PWP1: variants seen among roughly 807,000 people sequenced by gnomAD.
The protein encoded by PWP1 is PWP1 homolog, endonuclein.
PWP1 carries 47 observed loss-of-function variants against 69.9 expected under a neutral mutation model. The ratio of observed to expected loss-of-function variants is 0.67; its 90% CI spans 0.53 to 0.86. PWP1 has a LOEUF of 0.86. Ranked by LOEUF, PWP1 falls within the 40% of genes least tolerant of loss-of-function variation. The probability of loss-of-function intolerance (pLI) is 0.00; values close to 1 mark genes in which losing one functional copy is unlikely to be tolerated. For synonymous variants in PWP1, 222 were observed against 208.2 expected (o/e 1.07, Z -0.57); for missense variants, 551 against 608.8 (o/e 0.91, Z 1.00).
At chr12:107,699,164 C>A (rs1359827831) in intron 7 of PWP1, among the ~76,000 whole-genome samples, 1 of 152,076 alleles carries the variant, frequency 6.6e-6, no homozygotes, top group African/African-American at 2.4e-5. Context: ...GAGGCTGAGG[C>A]AGGAGAATCG....
intron 5 of PWP1, among the ~76,000 whole-genome samples, chr12:107,695,866 T>G (rs79537229): frequency 1.3e-5 from 2 of 152,178 alleles, no homozygotes; most frequent in Admixed American, 1.3e-4. Flanking sequence ...TATGAACTTA[T>G]GAACATTTGT....
intron 8 of PWP1, among the ~76,000 whole-genome samples, chr12:107,699,679 A>G (rs80287442): frequency 0.014 from 2,185 of 152,242 alleles, 58 homozygotes; most frequent in African/African-American, 0.05. Flanking sequence ...CTCCACCACC[A>G]CTGGAAAAAA....
chr12:107,709,852 C>G (rs1889909399), intron 13 of PWP1, among the ~76,000 whole-genome samples: 1 of 152,044 alleles, frequency 6.6e-6, no homozygotes, highest in Non-Finnish European at 1.5e-5. Flanking sequence ...AGTACCATCT[C>G]ATGCTTATTT....
rs77789534 is a variant in PWP1 at position 107,689,904 on chromosome 12, G to A, written c.319+1102G>A. On this transcript the variant is annotated intron_variant, in intron 3 of 14. Transcript: ENST00000412830. ...GGGAAAGTAGGTATAACGATAAATG[G>A]AAAAGGAGCTGACAAAGCTCGCTTT... Among the ~76,000 whole-genome samples the A allele has an allele frequency of 9.6e-3, 1,466 of 152,282 alleles. 27 individuals carry two copies. Among genetic ancestry groups the A allele is most frequent in the African/African-American group, 0.034 (1,404 of 41,530 alleles).
chr12:107,691,917 G>A (rs1019104596), intron 3 of PWP1, among the ~76,000 whole-genome samples: 2 of 152,158 alleles, frequency 1.3e-5, no homozygotes, highest in African/African-American at 4.8e-5. Context: ...GTGAAAGACG[G>A]TGCTGAGTTT....
intron 2 of PWP1, 47 bp downstream of exon 2, chr12:107,688,553 A>G (rs1395227651): frequency 1.2e-6 from 2 of 1,610,490 alleles, no homozygotes; most frequent in Non-Finnish European, 1.7e-6. Flanking sequence ...GATGATGACC[A>G]TGTGGTCTTG....
chr12:107,708,897 T>C (rs752216810), intron 11 of PWP1, 29 bp from the exon 12 acceptor site: 1 of 1,594,060 alleles, frequency 6.3e-7, no homozygotes, highest in Non-Finnish European at 8.6e-7. Flanking sequence ...TGACGTAGCA[T>C]GACCTTGCCC....
rs1289391383 is a variant in PWP1, at chr12:107,692,828, G to A, written c.334G>A (p.Gly112Ser). 1.9e-6 allele frequency: 3 copies of A among 1,612,586 alleles called. No homozygotes were observed. Among genetic ancestry groups the A allele is most frequent in the East Asian group, 2.2e-5 (1 of 44,852 alleles). Residue 112 changes from glycine to serine, a missense_variant, in exon 4 of 15, where the codon GGT becomes AGT. By Grantham distance (56) the Gly-to-Ser change is moderately conservative. Coordinates refer to ENST00000412830, the MANE Select transcript of PWP1 (RefSeq NM_007062.3). ...EEGDPDAETL[G>S]ESLLGLTVYG... ...TTTTCTTACAGATGCTGAGACTCTT[G>A]GTGAATCTCTCTTGGGTCTTACGGT...
intron 5 of PWP1, 23 bp from the exon 6 acceptor site, chr12:107,696,451 G>T (rs767079203): frequency 6.2e-7 from 1 of 1,607,456 alleles, no homozygotes; most frequent in Non-Finnish European, 8.5e-7. Context: ...ATACATTAAA[G>T]TCTCTTTTCC....
intron 5 of PWP1, 40 bp downstream of exon 5, chr12:107,693,136 T>C (rs1889518918): frequency 1.3e-5 from 20 of 1,567,748 alleles, no homozygotes; most frequent in Non-Finnish European, 1.6e-5. Flanking sequence ...TTCTAAGTGA[T>C]GGTAAAATAA....
chr12:107,691,399 C>G (rs530468207), intron 3 of PWP1, among the ~76,000 whole-genome samples: 1 of 152,140 alleles, frequency 6.6e-6, no homozygotes, highest in African/African-American at 2.4e-5. Context: ...GAGAGGAAAT[C>G]ATTAAAGGTT....
At chr12:107,697,434 G>T (rs181301417) in intron 6 of PWP1, 33 bp from the exon 7 acceptor site, 13 of 1,533,852 alleles carry the variant, frequency 8.5e-6, no homozygotes, top group Non-Finnish European at 9.6e-6. Flanking sequence ...GTCTTTTTTT[G>T]TGTAATCATA....
chr12:107,701,282 C>A (rs1384897781), intron 8 of PWP1, among the ~76,000 whole-genome samples: 7 of 152,104 alleles, frequency 4.6e-5, no homozygotes, highest in Non-Finnish European at 1.0e-4. Context: ...CATGAGCCAC[C>A]AAGCCTGGCC....
chr12:107,710,284 G>T, intron 13 of PWP1, 121 bp from the exon 14 acceptor site: 1 of 1,442,436 alleles, frequency 6.9e-7, no homozygotes, highest in Non-Finnish European at 9.2e-7. Flanking sequence ...TTGAAAGTGA[G>T]AATCATAAGT....
chr12:107,689,727 C>T (rs1029645388), intron 3 of PWP1, among the ~76,000 whole-genome samples: 1 of 152,102 alleles, frequency 6.6e-6, no homozygotes, highest in African/African-American at 2.4e-5. Context: ...GCCTGGGTGA[C>T]ACAGTGGGAC....
At chr12:107,688,143 A>ATGG (rs1363485521) in intron 1 of PWP1, among the ~76,000 whole-genome samples, 2 of 151,194 alleles carry the variant, frequency 1.3e-5, no homozygotes, top group East Asian at 4.0e-4. Context: ...AGAGTCAGAG[A>ATGG]TGGTTGGAAG....
chr12:107,698,322 A>C (rs1593145064), intron 7 of PWP1, among the ~76,000 whole-genome samples: 1 of 151,884 alleles, frequency 6.6e-6, no homozygotes, highest in African/African-American at 2.4e-5. Flanking sequence ...ACACCACTGC[A>C]CTCCAGCCTG....
intron 11 of PWP1, 104 bp downstream of exon 11, chr12:107,704,851 A>G: frequency 1.0e-6 from 1 of 953,916 alleles, no homozygotes; most frequent in Non-Finnish European, 1.6e-6. Context: ...TTTTAACAGT[A>G]TGAAGTATTT....
At chr12:107,711,989 GT>G in intron 14 of PWP1, 121 bp from the exon 15 acceptor site, 1 of 688,238 alleles carries the variant, frequency 1.5e-6, no homozygotes, top group East Asian at 2.6e-5. Context: ...GGACTTCTGA[GT>G]TGGTTACTCA....
Sources: allele counts gnomAD v4.1 joint callset (sites outside exome capture counted in the v4.1 genomes callset), GRCh38; gene constraint gnomAD v4.1.1; transcripts MANE v1.5; gene names NCBI Gene and HGNC (gene_info 2026-07-23, HGNC 2026-07-21).